The following WNK1 variants were observed in gnomAD, a reference collection of about 807,000 sequenced individuals.
WNK1 encodes the protein WNK lysine deficient protein kinase 1.
WNK1 carries 38 observed loss-of-function variants against 222.8 expected under a neutral mutation model. The ratio of observed to expected loss-of-function variants is 0.17; its 90% CI spans 0.13 to 0.22. The LOEUF is 0.22. Ranked by LOEUF, WNK1 falls within the 10% of genes least tolerant of loss-of-function variation. WNK1 has a pLI of 1.00. For missense variants in WNK1, 2,348 were observed against 2,918.4 expected (o/e 0.80, Z 4.50); for synonymous variants, 1,090 against 1,092.9 (o/e 1.00, Z 0.05).
chr12:856,994 A>G lies in WNK1; in HGVS notation c.1312-167A>G, dbSNP rs1327983791. On this transcript the variant is annotated intron_variant, in intron 4 of 27. Coordinates refer to ENST00000315939, the MANE Select transcript of WNK1 (RefSeq NM_018979.4). Reference sequence around the variant, plus strand: ...TTCCATGTTTTCTTGTGAAGAGCTAAGTTGTCACTACCCAACTGTGACACT... The same window carrying G: ...TTCCATGTTTTCTTGTGAAGAGCTAGGTTGTCACTACCCAACTGTGACACT... 2.0e-5 allele frequency among the ~76,000 whole-genome samples: 3 copies of G among 152,236 alleles called. No individual in the cohort carries two copies. The East Asian group carries it at 5.8e-4, about 29-fold the overall frequency.
At chr12:770,081 C>G (rs1942289734) in intron 1 of WNK1, among the ~76,000 whole-genome samples, 1 of 151,830 alleles carries the variant, frequency 6.6e-6, no homozygotes. Context: ...TCAAGCGATT[C>G]TCCTGCCTCA....
chr12:865,048 CT>C, intron 8 of WNK1: 1 of 1,437,048 alleles, frequency 7.0e-7, no homozygotes, highest in South Asian at 1.5e-5. Context: ...TATCATTGTA[CT>C]TTTGTTTATT....
rs1457293182 is a variant in WNK1, at chr12:753,264, G to A, written c.-302G>A. On this transcript the variant is annotated 5_prime_UTR_variant, in exon 1 of 28. Coordinates refer to ENST00000315939, the MANE Select transcript of WNK1 (RefSeq NM_018979.4). The surrounding 1 kb of genome is among the most constrained non-coding windows in gnomAD (Gnocchi z 5.2). ...TGCTGCCACCGCCCGCCCGGCCGCC[G>A]CTCGCCGCAGGATGGATGCGGACCG... 5.5e-6 allele frequency: 2 copies of A among 363,954 alleles called. No homozygotes were observed. Among genetic ancestry groups the A allele is most frequent in the Non-Finnish European group, 9.9e-6 (2 of 201,062 alleles). 22.5% of individuals were successfully genotyped at this position (363,954 alleles called of 1,614,324 possible).
intron 2 of WNK1, among the ~76,000 whole-genome samples, chr12:820,009 T>C (rs1031635547): frequency 5.3e-5 from 8 of 152,250 alleles, no homozygotes; most frequent in African/African-American, 1.7e-4. Flanking sequence ...TCTCCAATTT[T>C]GTTCTTCTTT....
At chr12:839,932 T>C (rs1412986587) in intron 4 of WNK1, among the ~76,000 whole-genome samples, 3 of 150,342 alleles carry the variant, frequency 2.0e-5, no homozygotes, top group African/African-American at 7.4e-5. Context: ...TTCACCATGT[T>C]GGCCATGCTG....
Position 910,847 on chromosome 12 carries a change from G to GGA in WNK1, c.*2056_*2057dup, listed in dbSNP as rs1956031899. 1 of 153,158 alleles carries GGA rather than the reference G, an allele frequency of 6.5e-6. No homozygotes were observed. Among genetic ancestry groups the GGA allele is most frequent in the Non-Finnish European group, 1.5e-5 (1 of 68,742 alleles). 9.5% of individuals were successfully genotyped at this position (153,158 alleles called of 1,614,324 possible). A position where few individuals can be genotyped will look rare whatever the true frequency, so the allele number is the denominator to read the frequency against. ...GCTGAAGGTTTTTAAAAGGTAGAAA[G>GGA]GAAAAGGGCAAGGGCTTCCACCCCT... On this transcript the variant is annotated 3_prime_UTR_variant, in exon 28 of 28. Coordinates refer to ENST00000315939, the MANE Select transcript of WNK1 (RefSeq NM_018979.4).
intron 6 of WNK1, 130 bp from the exon 7 acceptor site, chr12:860,883 A>C: frequency 1.1e-6 from 1 of 876,920 alleles, no homozygotes; most frequent in Non-Finnish European, 1.8e-6. Flanking sequence ...GCCAGTCCTG[A>C]GAGAATTCTT....
intron 1 of WNK1, among the ~76,000 whole-genome samples, chr12:798,164 T>A (rs2153987577): frequency 6.6e-6 from 1 of 151,908 alleles, no homozygotes; most frequent in Non-Finnish European, 1.5e-5. Context: ...CATTTCAAAT[T>A]GCCTTGGTTT....
rs1954783549 is a variant in WNK1 at position 896,896 on chromosome 12, ACACACACACAC to A, written c.6245+165_6245+175del. ...CCCCATACCTCCCCACCACACACAC[ACACACACACAC>A]ACACACACACACACACACACACACA... On this transcript the variant is annotated intron_variant, in intron 24 of 27. Transcript: ENST00000315939. Among the ~76,000 whole-genome samples the A allele has an allele frequency of 1.2e-3, 3 of 2,504 alleles. No individual in the cohort carries two copies. In the South Asian group the frequency reaches 0.026, roughly 22 times the overall value. The allele number at this position is 2,504 out of a possible 152,430, so 1.6% of individuals were successfully genotyped here. A position where few individuals can be genotyped will look rare whatever the true frequency, so the allele number is the denominator to read the frequency against.
intron 1 of WNK1, among the ~76,000 whole-genome samples, chr12:783,089 G>T (rs1402186106): frequency 6.6e-6 from 1 of 151,056 alleles, no homozygotes; most frequent in African/African-American, 2.4e-5. Flanking sequence ...TTTTTTTGTA[G>T]AGACGGGGGT....
At chr12:787,286 TC>T (rs992182021) in intron 1 of WNK1, among the ~76,000 whole-genome samples, 6 of 152,192 alleles carry the variant, frequency 3.9e-5, no homozygotes, top group African/African-American at 1.4e-4. Context: ...CTCTTGTGCA[TC>T]CATTTCTTTT....
At chr12:787,417 AG>A (rs2153976107) in intron 1 of WNK1, among the ~76,000 whole-genome samples, 1 of 152,306 alleles carries the variant, frequency 6.6e-6, no homozygotes, top group African/African-American at 2.4e-5. Context: ...AAGCCCACGT[AG>A]GTACCTACTT....
chr12:811,730 A>G (rs977988527), intron 1 of WNK1, among the ~76,000 whole-genome samples: 1 of 152,118 alleles, frequency 6.6e-6, no homozygotes, highest in African/African-American at 2.4e-5. Context: ...ATATTCAGTT[A>G]TAGATGGAAC....
chr12:768,934 CGA>C (rs1228571763), intron 1 of WNK1, among the ~76,000 whole-genome samples: 1 of 151,746 alleles, frequency 6.6e-6, no homozygotes, highest in Non-Finnish European at 1.5e-5. Flanking sequence ...CTCAGCCTCC[CGA>C]GTAGCTGGGA....
intron 1 of WNK1, among the ~76,000 whole-genome samples, chr12:811,702 T>C (rs1217428195): frequency 6.6e-6 from 1 of 151,998 alleles, no homozygotes; most frequent in Non-Finnish European, 1.5e-5. Context: ...GAAATGTTCC[T>C]AGATTAAAAA....
intron 1 of WNK1, among the ~76,000 whole-genome samples, chr12:770,817 GT>G (rs990786971): frequency 1.3e-5 from 2 of 152,096 alleles, no homozygotes; most frequent in African/African-American, 4.8e-5. Context: ...AGCATGTCCG[GT>G]AATCAGAAAT....
chr12:770,697 C>T (rs758473787), intron 1 of WNK1, among the ~76,000 whole-genome samples: 33 of 152,280 alleles, frequency 2.2e-4, no homozygotes, highest in Admixed American at 1.1e-3. Context: ...TGTTGCTGAA[C>T]ACAGAAATTT....
At chr12:766,045 G>A (rs1188985205) in intron 1 of WNK1, among the ~76,000 whole-genome samples, 1 of 152,126 alleles carries the variant, frequency 6.6e-6, no homozygotes, top group African/African-American at 2.4e-5. Context: ...AATTTGCAGT[G>A]GGTTTAATGA....
intron 19 of WNK1, 127 bp downstream of exon 19, chr12:886,211 T>A: frequency 1.1e-6 from 1 of 871,564 alleles, no homozygotes; most frequent in Non-Finnish European, 1.7e-6. Flanking sequence ...TTATAGTATT[T>A]ATTAAATTGA....
Sources: allele counts gnomAD v4.1 joint callset (sites outside exome capture counted in the v4.1 genomes callset), GRCh38; gene constraint gnomAD v4.1.1; non-coding constraint Gnocchi (gnomAD v3.1); transcripts MANE v1.5; gene names NCBI Gene and HGNC (gene_info 2026-07-23, HGNC 2026-07-21).